Variants in TMPRSS15 observed in about 807,000 individuals in gnomAD.
TMPRSS15 encodes the protein enteropeptidase.
In TMPRSS15, 128 loss-of-function variants were observed where a neutral mutation model predicts 125.3. That is an observed-to-expected ratio of 1.02 (90% confidence interval 0.89 to 1.18). The LOEUF (loss-of-function observed/expected upper bound fraction) is 1.18. Ranked by LOEUF, TMPRSS15 falls within the 50% of genes most tolerant of loss-of-function variation. TMPRSS15 has a pLI of 0.00. For missense variants in TMPRSS15, 1,283 were observed against 1,212.7 expected (o/e 1.06, Z -0.86); for synonymous variants, 446 against 423.2 (o/e 1.05, Z -0.66).
At chr21:18,421,751 A>G (rs1434973630) in intron 1 of TMPRSS15, among the ~76,000 whole-genome samples, 1 of 152,186 alleles carries the variant, frequency 6.6e-6, no homozygotes, top group African/African-American at 2.4e-5. Context: ...CATGAATAAG[A>G]TTTTTCTGAT....
In TMPRSS15 at chr21:18,327,506, T is replaced by C. The variant is rs2075303608; in HGVS notation, c.1781-934A>G. On this transcript the variant is annotated intron_variant, in intron 15 of 24. Transcript: ENST00000284885. The stretch of plus-strand genomic sequence containing the variant: ...CCCAGGAAGCTCACACTCTAGAACT[T>C]TGTGAGATTTTGCTGTAGAATTCTA... Among the ~76,000 whole-genome samples, 4 of 152,170 alleles carry C rather than the reference T, an allele frequency of 2.6e-5. No homozygotes were observed. The South Asian group carries it at 8.3e-4, about 32-fold the overall frequency.
chr21:18,472,837 G>A (rs1978807336), intron 1 of TMPRSS15, among the ~76,000 whole-genome samples: 1 of 152,082 alleles, frequency 6.6e-6, no homozygotes, highest in East Asian at 1.9e-4. Context: ...ATTATTTAAT[G>A]TATCAATGAC....
At chr21:18,428,436 C>A (rs988969739) in intron 1 of TMPRSS15, among the ~76,000 whole-genome samples, 1 of 152,208 alleles carries the variant, frequency 6.6e-6, no homozygotes, top group Non-Finnish European at 1.5e-5. Context: ...GGGAAAATGT[C>A]TCCAGGGCAT....
chr21:18,377,615 T>C (rs1315308281), intron 5 of TMPRSS15, among the ~76,000 whole-genome samples: 1 of 152,160 alleles, frequency 6.6e-6, no homozygotes, highest in East Asian at 1.9e-4. Flanking sequence ...AGACTGATTG[T>C]TGAAATTAGG....
upstream of TMPRSS15, among the ~76,000 whole-genome samples, chr21:18,408,624 T>C (rs936764050): frequency 2.0e-5 from 3 of 152,142 alleles, no homozygotes; most frequent in Admixed American, 6.6e-5. Context: ...TATTCTGAGA[T>C]CTAATTGGCA....
At chr21:18,401,865 C>T (rs2076097436) in intron 1 of TMPRSS15, among the ~76,000 whole-genome samples, 1 of 152,086 alleles carries the variant, frequency 6.6e-6, no homozygotes, top group Admixed American at 6.6e-5. Context: ...TATTTATTTT[C>T]TCTTTCACTT....
chr21:18,411,655 T>C (rs1467860181), intron 1 of TMPRSS15, among the ~76,000 whole-genome samples: 1 of 152,152 alleles, frequency 6.6e-6, no homozygotes, highest in Non-Finnish European at 1.5e-5. Flanking sequence ...AGTGAAACCA[T>C]ATTTACTTTC....
intron 15 of TMPRSS15, among the ~76,000 whole-genome samples, chr21:18,327,989 G>C (rs141777312): frequency 3.7e-4 from 57 of 152,192 alleles, no homozygotes; most frequent in African/African-American, 1.3e-3. Context: ...GGAGATAGAG[G>C]TTTCAGTGAG....
intron 3 of TMPRSS15, among the ~76,000 whole-genome samples, chr21:18,389,268 A>G (rs756017886): frequency 1.3e-5 from 2 of 151,932 alleles, no homozygotes; most frequent in Non-Finnish European, 2.9e-5. Context: ...TAAGGAAGGA[A>G]GGAAGGAAGG....
At chr21:18,320,048 T>C (rs1047651079) in intron 16 of TMPRSS15, among the ~76,000 whole-genome samples, 3 of 152,154 alleles carry the variant, frequency 2.0e-5, no homozygotes, top group Admixed American at 6.5e-5. Flanking sequence ...AATGTAATTA[T>C]CAATTTGTTT....
At chr21:18,343,782 T>G in intron 11 of TMPRSS15, 126 bp from the exon 12 acceptor site, 1 of 1,224,814 alleles carries the variant, frequency 8.2e-7, no homozygotes, top group South Asian at 1.3e-5. Flanking sequence ...TTGGAGTTGC[T>G]GGGGATGGGG....
At chr21:18,455,696 C>T (rs1179763748) in intron 1 of TMPRSS15, among the ~76,000 whole-genome samples, 1 of 152,150 alleles carries the variant, frequency 6.6e-6, no homozygotes, top group Non-Finnish European at 1.5e-5. Context: ...CCCTTGAGTT[C>T]CTCAGCAAAG....
Position 18,302,395 on chromosome 21 carries a change from G to A in TMPRSS15, c.2166-4566C>T, listed in dbSNP as rs1231790519. Among the ~76,000 whole-genome samples the A allele has an allele frequency of 2.6e-5, 4 of 152,256 alleles. No individual in the cohort carries two copies. In the East Asian group the frequency reaches 7.7e-4, roughly 29 times the overall value. ...AAATCATCCCACTAGGAAAGTAAAG[G>A]CATGTGGGCAGGTAGGTAGAAATGC... On this transcript the variant is annotated intron_variant, in intron 18 of 24. Transcript: ENST00000284885.
intron 5 of TMPRSS15, among the ~76,000 whole-genome samples, chr21:18,376,861 C>G (rs558888173): frequency 6.6e-6 from 1 of 152,082 alleles, no homozygotes; most frequent in African/African-American, 2.4e-5. Flanking sequence ...GACTTTGTAC[C>G]GTTATCACAA....
At chr21:18,429,703 T>C (rs2076212313) in intron 1 of TMPRSS15, among the ~76,000 whole-genome samples, 1 of 152,194 alleles carries the variant, frequency 6.6e-6, no homozygotes. Context: ...AACCTCTTTT[T>C]CTTCCCAGTC....
intron 16 of TMPRSS15, among the ~76,000 whole-genome samples, chr21:18,324,698 A>G (rs1474824): frequency 0.55 from 83,623 of 151,866 alleles, 23,484 homozygotes; most frequent in East Asian, 0.67. Flanking sequence ...TTTGCTATTA[A>G]CTAATTTACT....
chr21:18,292,127 G>C (rs759391633), intron 21 of TMPRSS15, among the ~76,000 whole-genome samples: 2 of 152,184 alleles, frequency 1.3e-5, no homozygotes, highest in Admixed American at 6.5e-5. Context: ...ATTATGCTTT[G>C]ATGTACTTAC....
intron 13 of TMPRSS15, among the ~76,000 whole-genome samples, chr21:18,333,108 T>C (rs2075360499): frequency 6.6e-6 from 1 of 151,940 alleles, no homozygotes; most frequent in Admixed American, 6.6e-5. Context: ...TGGAGAGTGG[T>C]AGGAGGGAGG....
At chr21:18,458,150 C>T (rs1353292479) in intron 1 of TMPRSS15, among the ~76,000 whole-genome samples, 6 of 152,024 alleles carry the variant, frequency 3.9e-5, no homozygotes, top group Admixed American at 3.9e-4. Context: ...GAGGTTAAGG[C>T]GTTCTTCACA....
Sources: gnomAD v4.1 joint callset for allele counts (sites outside exome capture counted in the v4.1 genomes callset) on GRCh38, gnomAD v4.1.1 for gene constraint, MANE v1.5 for transcripts, NCBI Gene and HGNC (gene_info 2026-07-23, HGNC 2026-07-21) for gene names.